Variants in COL16A1 observed in about 807,000 individuals in gnomAD.
The protein encoded by COL16A1 is collagen alpha-1(XVI) chain.
Under a neutral mutation model 266.3 loss-of-function variants are expected in COL16A1, and 189 were observed. That is an observed-to-expected ratio of 0.71 (90% CI 0.63 to 0.80). The LOEUF (loss-of-function observed/expected upper bound fraction) is 0.80, where lower values mean the gene tolerates loss of function less well. Ranked by LOEUF, COL16A1 falls within the 30% of genes least tolerant of loss-of-function variation. COL16A1 has a pLI of 0.00. For missense variants in COL16A1, 1,928 were observed against 2,122.4 expected (o/e 0.91, Z 1.80); for synonymous variants, 740 against 782.3 (o/e 0.95, Z 0.90).
At chr1:31,665,694 C>CGGG (rs368197531) in intron 54 of COL16A1, 76 bp from the exon 55 acceptor site, 71 of 1,590,902 alleles carry the variant, frequency 4.5e-5, no homozygotes, top group Middle Eastern at 1.7e-4. Context: ...GAAAGAGTGA[C>CGGG]GGGGGGGGCA....
Position 31,688,386 on chromosome 1 carries a change from C to G in COL16A1, c.1803+81G>C, listed in dbSNP as rs1269029416. The G allele has an allele frequency of 8.8e-6, 13 of 1,481,550 alleles. No homozygotes were observed. In the Admixed American group the frequency reaches 2.2e-4, roughly 25 times the overall value. 91.8% of individuals were successfully genotyped at this position (1,481,550 alleles called of 1,614,324 possible). ...GTCTGAATCTCTTGTTTATATTACC[C>G]TTATTCCCCGCCCGCACCACTCCTC... On this transcript the variant is annotated intron_variant, in intron 26 of 70. Coordinates refer to ENST00000373672, the MANE Select transcript of COL16A1 (RefSeq NM_001856.4). The surrounding 1 kb of genome is among the most constrained non-coding windows in gnomAD (Gnocchi z 4.9).
At chr1:31,678,745 T>C (rs1334745319) in intron 42 of COL16A1, among the ~76,000 whole-genome samples, 2 of 152,210 alleles carry the variant, frequency 1.3e-5, no homozygotes, top group Non-Finnish European at 2.9e-5. Context: ...AAAAGCCCTA[T>C]GAGTTAGGCG....
Position 31,689,531 on chromosome 1 carries a change from G to A in COL16A1, c.1620+210C>T, listed in dbSNP as rs116586852. The A allele has an allele frequency of 6.7e-4, 402 of 596,308 alleles. 2 individuals carry two copies. In the African/African-American group the frequency reaches 6.8e-3, roughly 10 times the overall value. The allele number at this position is 596,308 out of a possible 1,614,324, so 36.9% of individuals were successfully genotyped here. On this transcript the variant is annotated intron_variant, in intron 23 of 70. Coordinates refer to ENST00000373672, the MANE Select transcript of COL16A1 (RefSeq NM_001856.4). ...GTCTCCTGGAAAGCCCTGGGAGGTTGCCATGGAGACCGGAGGTGGCACTCT... is the reference window on the plus strand; with the variant it reads ...GTCTCCTGGAAAGCCCTGGGAGGTTACCATGGAGACCGGAGGTGGCACTCT...
intron 69 of COL16A1, 40 bp from the exon 70 acceptor site, chr1:31,653,716 A>G: frequency 6.3e-7 from 1 of 1,598,534 alleles, no homozygotes; most frequent in South Asian, 1.1e-5. Context: ...CCCTGAGCAG[A>G]AAAATGACAC....
In COL16A1 at chr1:31,680,024, T is replaced by C; in HGVS notation, c.2670+18A>G. ...TCCTCTCCCCCAGTTGGGGGAAGGC[T>C]CTCACAGCGCCACTTACCGGCATGC... On this transcript the variant is annotated intron_variant, in intron 40 of 70. Transcript: ENST00000373672. The C allele has an allele frequency of 6.2e-7, 1 of 1,613,460 alleles. No homozygotes were observed. Among genetic ancestry groups the C allele is most frequent in the South Asian group, 1.1e-5 (1 of 90,934 alleles).
Position 31,670,234 on chromosome 1 carries a change from A to C in COL16A1, c.3195+368T>G. 4.1e-6 allele frequency: 1 copy of C among 244,430 alleles called. No homozygotes were observed. The highest frequency in any genetic ancestry group is 7.8e-6 in the Non-Finnish European group (1 of 128,208). 15.1% of individuals were successfully genotyped at this position (244,430 alleles called of 1,614,324 possible). ...GTGAGAAGCAGGAGGCAGAGCGAGA[A>C]GGCAGGAATGGAGGGGCCCCCTAGA... On this transcript the variant is annotated intron_variant, in intron 49 of 70. Transcript: ENST00000373672. The surrounding 1 kb of genome is among the most constrained non-coding windows in gnomAD (Gnocchi z 4.5).
intron 2 of COL16A1, chr1:31,701,498 C>A (rs1644723153): frequency 1.0e-6 from 1 of 985,402 alleles, no homozygotes; most frequent in Non-Finnish European, 1.2e-6. Flanking sequence ...AGCTACTGAG[C>A]CCAGAGGGCA....
intron 43 of COL16A1, 29 bp downstream of exon 43, chr1:31,675,229 A>G (rs1387287730): frequency 3.1e-6 from 5 of 1,614,046 alleles, no homozygotes; most frequent in Non-Finnish European, 3.4e-6. Flanking sequence ...GGGAAGGGGC[A>G]TGCACAGGGA....
chr1:31,691,780 G>A, intron 17 of COL16A1, 138 bp from the exon 18 acceptor site: 1 of 1,238,786 alleles, frequency 8.1e-7, no homozygotes, highest in Non-Finnish European at 1.1e-6. Flanking sequence ...CCCAAGGTCA[G>A]CACATGTCAA....
rs775619880 is a variant in COL16A1, at chr1:31,671,675, A to T, written c.3106-16T>A. ...CAGGCGGACCCTGCAAAGGAAGCCAAGGGAAATGGATGAAGAGGCCCAGGC... is the reference window on the plus strand; with the variant it reads ...CAGGCGGACCCTGCAAAGGAAGCCATGGGAAATGGATGAAGAGGCCCAGGC... On this transcript the variant is annotated splice_polypyrimidine_tract_variant and intron_variant, in intron 47 of 70. Transcript: ENST00000373672. The T allele has an allele frequency of 1.2e-6, 2 of 1,613,990 alleles. No individual in the cohort carries two copies. Among genetic ancestry groups the T allele is most frequent in the East Asian group, 4.5e-5 (2 of 44,860 alleles).
At position 31,668,883 on chromosome 1, in the gene COL16A1, C is replaced by T; in HGVS notation, c.3196-28G>A. ...TGGAGAGAAAAATCATGAGAAACTG[C>T]AGGAGCCGGCGGTCCCCACCCAGCC... On this transcript the variant is annotated intron_variant, in intron 49 of 70. Transcript: ENST00000373672. This position sits in a 1 kb window ranked among gnomAD's most constrained non-coding sequence, Gnocchi z 5.8. The T allele has an allele frequency of 1.9e-6, 3 of 1,607,708 alleles. No homozygotes were observed. Among genetic ancestry groups the T allele is most frequent in the Non-Finnish European group, 2.6e-6 (3 of 1,176,438 alleles).
chr1:31,667,452 TGGGGGCAG>T, intron 52 of COL16A1, 115 bp downstream of exon 52: 1 of 773,012 alleles, frequency 1.3e-6, no homozygotes, highest in Non-Finnish European at 2.1e-6. Flanking sequence ...GCTGCAGGCT[TGGGGGCAG>T]GGGGGCAGCA....
Position 31,698,014 on chromosome 1 carries a change from G to A in COL16A1, c.549C>T (p.His183=), listed in dbSNP as rs775125072. ...LSVAGRVASV[H]VDCSSASSQP... ...GGGAGGAGGCTGAGCTGCAGTCCAC[G>A]TGCACAGAGGCCACACGTCCAGCCA... Residue 183 remains histidine, a synonymous_variant, in exon 6 of 71, where the codon CAC becomes CAT. Coordinates refer to ENST00000373672, the MANE Select transcript of COL16A1 (RefSeq NM_001856.4). This position sits in a 1 kb window ranked among gnomAD's most constrained non-coding sequence, Gnocchi z 4.1. 15 of 1,613,594 alleles carry A rather than the reference G, an allele frequency of 9.3e-6. No homozygotes were observed. The highest frequency in any genetic ancestry group is 1.3e-5 in the Non-Finnish European group (15 of 1,180,044).
Position 31,668,816 on chromosome 1 carries a change from C to T in COL16A1, c.3235G>A (p.Asp1079Asn). 6.2e-7 allele frequency: 1 copy of T among 1,613,922 alleles called. No individual in the cohort carries two copies. The highest frequency in any genetic ancestry group is 1.1e-5 in the South Asian group (1 of 91,068). Residue 1079 changes from aspartate to asparagine, a missense_variant, in exon 50 of 71, where the codon GAC (aspartate) becomes AAC (asparagine). Physicochemically the swap from Asp to Asn is conservative, Grantham distance 23. Coordinates refer to ENST00000373672, the MANE Select transcript of COL16A1 (RefSeq NM_001856.4). This position sits in a 1 kb window ranked among gnomAD's most constrained non-coding sequence, Gnocchi z 5.8. ...GERGLTGLTGDKGEPGPPGQP... is the reference protein window; with the variant it reads ...GERGLTGLTGNKGEPGPPGQP... ...CTTCTTCTTACCGGCTCCCCCTTGT[C>T]TCCAGTCAGGCCCGTGAGACCTCGC...
At position 31,697,076 on chromosome 1, in the gene COL16A1, T is replaced by A; in HGVS notation, c.751A>T (p.Thr251Ser). ...TGGGTGTCCCGGCGGGCCTTGGAGG[T>A]CTCTGGGGGGCACTGTTTGGTGGAA... is the stretch of plus-strand genomic sequence containing the variant. ...EILPAGCPPE[T>S]SKARRDTQSN... is the part of the protein sequence containing the mutation. The change falls in exon 8 of 71, where the codon ACC becomes TCC. Residue 251 changes from threonine to serine, a missense_variant. Physicochemically the swap from Thr to Ser is moderately conservative, Grantham distance 58. Around this residue, in one of 2 missense-constraint regions of COL16A1, gnomAD observed 1,552 missense variants for 1,637.2 expected, o/e 0.95. Coordinates refer to ENST00000373672, the MANE Select transcript of COL16A1 (RefSeq NM_001856.4). This position sits in a 1 kb window ranked among gnomAD's most constrained non-coding sequence, Gnocchi z 4.2. 6.2e-7 allele frequency: 1 copy of A among 1,613,906 alleles called. No homozygotes were observed. The highest frequency in any genetic ancestry group is 8.5e-7 in the Non-Finnish European group (1 of 1,179,958).
chr1:31,672,594 A>T lies in COL16A1; in HGVS notation c.3018+2T>A. 6.2e-7 allele frequency: 1 copy of T among 1,607,184 alleles called. No individual in the cohort carries two copies. The highest frequency in any genetic ancestry group is 8.5e-7 in the Non-Finnish European group (1 of 1,175,430). ...TCGGGGGAGATAAGGCGAGGCACTCACCCGGGCCTCCTCGGCTCTTGGGCG... is the reference window on the plus strand; with the variant it reads ...TCGGGGGAGATAAGGCGAGGCACTCTCCCGGGCCTCCTCGGCTCTTGGGCG... On this transcript the variant is annotated splice_donor_variant, in intron 46 of 70. Coordinates refer to ENST00000373672, the MANE Select transcript of COL16A1 (RefSeq NM_001856.4). LOFTEE classifies it high-confidence loss of function.
At chr1:31,683,169 A>G (rs745661287) in intron 36 of COL16A1, 25 bp downstream of exon 36, 18 of 1,613,954 alleles carry the variant, frequency 1.1e-5, no homozygotes, top group Admixed American at 5.0e-5. Context: ...CTGCAGGCCC[A>G]ATACCCATGG....
chr1:31,658,811 G>A (rs1641392781), intron 63 of COL16A1, 103 bp downstream of exon 63: 1 of 1,368,870 alleles, frequency 7.3e-7, no homozygotes, highest in African/African-American at 1.4e-5. Context: ...AGGAGGGGAT[G>A]AGACAAACTG....
intron 22 of COL16A1, 196 bp from the exon 23 acceptor site, chr1:31,690,047 C>T (rs1456399569): frequency 1.3e-5 from 8 of 618,836 alleles, no homozygotes; most frequent in East Asian, 1.1e-4. Flanking sequence ...TCCAGGGTGG[C>T]GCAAAACTAC....
Sources: allele counts gnomAD v4.1 joint callset (sites outside exome capture counted in the v4.1 genomes callset), GRCh38; gene constraint gnomAD v4.1.1; regional missense constraint gnomAD v4.1.1; non-coding constraint Gnocchi (gnomAD v3.1); transcripts MANE v1.5; gene names NCBI Gene and HGNC (gene_info 2026-07-23, HGNC 2026-07-21).